The following NEURL1 variants were observed in gnomAD, a reference collection of about 807,000 sequenced individuals.
The protein encoded by NEURL1 is E3 ubiquitin-protein ligase NEURL1.
In NEURL1, 26 loss-of-function variants were observed where a neutral mutation model predicts 41.2. That is an observed-to-expected ratio of 0.63 (90% CI 0.46 to 0.87). The LOEUF is 0.87. NEURL1 is among the 40% of genes least tolerant of loss of function. NEURL1 has a pLI of 0.00. For missense variants in NEURL1, 761 were observed against 871.1 expected (o/e 0.87, Z 1.59); for synonymous variants, 400 against 402.3 (o/e 0.99, Z 0.07).
intron 1 of NEURL1, among the ~76,000 whole-genome samples, chr10:103,563,504 C>T (rs1047069947): frequency 6.6e-6 from 1 of 152,062 alleles, no homozygotes; most frequent in African/African-American, 2.4e-5. Flanking sequence ...ATGATGATGC[C>T]AGCACTGGTA....
chr10:103,517,862 C>T (rs1426440243), intron 1 of NEURL1, among the ~76,000 whole-genome samples: 1 of 152,208 alleles, frequency 6.6e-6, no homozygotes, highest in Non-Finnish European at 1.5e-5. Flanking sequence ...GAGGACCCAA[C>T]ACTTGGGCCT....
intron 4 of NEURL1, 141 bp from the exon 5 acceptor site, chr10:103,589,373 C>T (rs1024601729): frequency 3.2e-5 from 28 of 876,204 alleles, no homozygotes; most frequent in African/African-American, 2.1e-4. Flanking sequence ...ATGATCCCCG[C>T]GCCAGCCTGC....
chr10:103,574,893 C>T (rs1163055080), intron 3 of NEURL1, among the ~76,000 whole-genome samples: 2 of 152,182 alleles, frequency 1.3e-5, no homozygotes, highest in African/African-American at 2.4e-5. Flanking sequence ...CCGTCCCAGC[C>T]GTAAATCACC....
At chr10:103,552,987 A>T (rs1592216677) in intron 1 of NEURL1, among the ~76,000 whole-genome samples, 1 of 152,324 alleles carries the variant, frequency 6.6e-6, no homozygotes, top group East Asian at 1.9e-4. Context: ...AGTGAGGAGA[A>T]GGCAGGAACC....
intron 1 of NEURL1, among the ~76,000 whole-genome samples, chr10:103,505,630 G>A (rs901267886): frequency 6.6e-6 from 1 of 152,222 alleles, no homozygotes; most frequent in East Asian, 1.9e-4. Context: ...CTCCTAACGT[G>A]TTGGGTTTAC....
intron 1 of NEURL1, among the ~76,000 whole-genome samples, chr10:103,502,790 A>G (rs187477556): frequency 1.3e-5 from 2 of 152,288 alleles, no homozygotes; most frequent in East Asian, 3.9e-4. Context: ...GGAGGGTGGG[A>G]GCTGGGCACT....
intron 1 of NEURL1, among the ~76,000 whole-genome samples, chr10:103,548,802 A>G (rs1564817676): frequency 6.6e-6 from 1 of 152,242 alleles, no homozygotes; most frequent in Non-Finnish European, 1.5e-5. Flanking sequence ...AGTTCTCACA[A>G]GTTTCTGGGC....
At position 103,528,529 on chromosome 10, in the gene NEURL1, C is replaced by T. The variant is rs535140653; in HGVS notation, c.85+34057C>T. On this transcript the variant is annotated intron_variant, in intron 1 of 5. Coordinates refer to ENST00000369780, the MANE Select transcript of NEURL1 (RefSeq NM_004210.5). ...CAGCCTGGGCAATAGAGCGTGACTC[C>T]GTCTCAAAAAAAAAAAAAAAAGAAA... Among the ~76,000 whole-genome samples, 209 of 141,972 alleles carry T rather than the reference C, an allele frequency of 1.5e-3. 1 individual carries two copies. The highest frequency in any genetic ancestry group is 2.3e-3 in the Non-Finnish European group (153 of 66,374). The allele number at this position is 141,972 out of a possible 152,430, so 93.1% of individuals were successfully genotyped here.
intron 1 of NEURL1, among the ~76,000 whole-genome samples, chr10:103,533,693 C>T (rs1274100841): frequency 2.6e-5 from 4 of 152,142 alleles, no homozygotes; most frequent in African/African-American, 9.7e-5. Flanking sequence ...CCCGCCATCA[C>T]ACCCGGCTAA....
At chr10:103,512,279 G>A (rs1447840851) in intron 1 of NEURL1, 1 of 152,582 alleles carries the variant, frequency 6.6e-6, no homozygotes, top group African/African-American at 2.4e-5. Flanking sequence ...GATGGACAGA[G>A]AGGGGCTTTC....
chr10:103,581,761 T>G (rs1456032304), intron 3 of NEURL1, among the ~76,000 whole-genome samples: 1 of 152,218 alleles, frequency 6.6e-6, no homozygotes, highest in Non-Finnish European at 1.5e-5. Context: ...AGTCTGGTTT[T>G]GTTCATTATC....
chr10:103,498,461 T>C (rs192130221), intron 1 of NEURL1, among the ~76,000 whole-genome samples: 5,390 of 152,082 alleles, frequency 0.035, 83 homozygotes, highest in Non-Finnish European at 0.044. Context: ...CTCCTGACCT[T>C]GTGATCCGCC....
At chr10:103,551,297 ATT>A (rs528332099) in intron 1 of NEURL1, among the ~76,000 whole-genome samples, 40 of 118,700 alleles carry the variant, frequency 3.4e-4, no homozygotes, top group South Asian at 1.6e-3. Context: ...GGTCAAATGA[ATT>A]TTTTTTTTTT....
At chr10:103,553,301 T>G (rs1026374579) in intron 1 of NEURL1, among the ~76,000 whole-genome samples, 2 of 152,218 alleles carry the variant, frequency 1.3e-5, no homozygotes, top group Admixed American at 1.3e-4. Flanking sequence ...TTGCTGTTAT[T>G]ATGATCATTA....
intron 4 of NEURL1, 22 bp from the exon 5 acceptor site, chr10:103,589,492 T>A (rs754559784): frequency 3.8e-6 from 6 of 1,574,346 alleles, no homozygotes; most frequent in Non-Finnish European, 5.2e-6. Context: ...TAGTGTGTCC[T>A]TCCCTCCCTC....
intron 3 of NEURL1, among the ~76,000 whole-genome samples, chr10:103,575,160 C>T (rs765711552): frequency 8.6e-5 from 13 of 151,976 alleles, no homozygotes; most frequent in African/African-American, 2.2e-4. Context: ...CTTTCCTCTC[C>T]GCCCCACTTC....
In NEURL1 at chr10:103,494,194, G is replaced by C; in HGVS notation, c.-194G>C. On this transcript the variant is annotated 5_prime_UTR_variant, in exon 1 of 6. Coordinates refer to ENST00000369780, the MANE Select transcript of NEURL1 (RefSeq NM_004210.5). ...CAGCCTGCGCCAGGACACCCGTGGC[G>C]GGCGGAACCCGCCAAGGACCGCGAA... 1 of 505,582 alleles carries C rather than the reference G, an allele frequency of 2.0e-6. No homozygotes were observed. The highest frequency in any genetic ancestry group is 4.3e-5 in the Admixed American group (1 of 23,310). The allele number at this position is 505,582 out of a possible 1,614,324, so 31.3% of individuals were successfully genotyped here. A position where few individuals can be genotyped will look rare whatever the true frequency, so the allele number is the denominator to read the frequency against.
chr10:103,552,819 G>A (rs966344768), intron 1 of NEURL1, among the ~76,000 whole-genome samples: 10 of 151,616 alleles, frequency 6.6e-5, no homozygotes, highest in East Asian at 3.9e-4. Flanking sequence ...GGCTCTCTCT[G>A]TATAGGACCG....
intron 1 of NEURL1, among the ~76,000 whole-genome samples, chr10:103,549,346 G>A (rs2034988291): frequency 6.6e-6 from 1 of 152,166 alleles, no homozygotes; most frequent in African/African-American, 2.4e-5. Flanking sequence ...CCCAACCCCC[G>A]AGGACGCCCT....
Sources: allele counts gnomAD v4.1 joint callset (sites outside exome capture counted in the v4.1 genomes callset), GRCh38; gene constraint gnomAD v4.1.1; transcripts MANE v1.5; gene names NCBI Gene and HGNC (gene_info 2026-07-23, HGNC 2026-07-21).